PDE1C: variants seen among roughly 807,000 people sequenced by gnomAD.
PDE1C encodes the protein dual specificity calcium/calmodulin-dependent 3',5'-cyclic nucleotide phosphodiesterase 1C.
A neutral mutation model predicts 93.1 loss-of-function variants in PDE1C; 62 were observed. That is an observed-to-expected ratio of 0.67 (90% CI 0.54 to 0.82). The LOEUF is 0.82. Ranked by LOEUF, PDE1C falls within the 40% of genes least tolerant of loss-of-function variation. The pLI is 0.00. For synonymous variants in PDE1C, 325 were observed against 310.1 expected (o/e 1.05, Z -0.50); for missense variants, 742 against 884.6 (o/e 0.84, Z 2.04).
Position 32,378,006 on chromosome 7 carries a change from G to A in PDE1C, c.310+49816C>T, listed in dbSNP as rs1430622641. Among the ~76,000 whole-genome samples the A allele has an allele frequency of 2.6e-5, 4 of 152,220 alleles. No individual in the cohort carries two copies. In the East Asian group the frequency reaches 7.7e-4, roughly 29 times the overall value. Reference sequence around the variant, plus strand: ...ACAAGGAGAGACTATTTCTGGAAGGGAGGAGGAGCAGCATTTAACCATTTA... The same window carrying A: ...ACAAGGAGAGACTATTTCTGGAAGGAAGGAGGAGCAGCATTTAACCATTTA... On this transcript the variant is annotated intron_variant, in intron 1 of 1. Transcript: ENST00000672256.
chr7:32,029,810 G>GCAGAGT, intron 2 of PDE1C, among the ~76,000 whole-genome samples: 1 of 152,112 alleles, frequency 6.6e-6, no homozygotes, highest in African/African-American at 2.4e-5. Flanking sequence ...GAGATAGAAA[G>GCAGAGT]CAGAGTTTAG....
At chr7:31,637,788 G>A in the PDE1C span, among the ~76,000 whole-genome samples, 1 of 152,184 alleles carries the variant, frequency 6.6e-6, no homozygotes, top group Non-Finnish European at 1.5e-5. Flanking sequence ...TGCTTTTAGT[G>A]TTTTAGACAT....
chr7:31,956,729 T>C (rs867313765), intron 2 of PDE1C, among the ~76,000 whole-genome samples: 99 of 151,912 alleles, frequency 6.5e-4, no homozygotes, highest in African/African-American at 2.2e-3. Context: ...CTCACTTGTT[T>C]TCCAAAAATA....
intron 16 of PDE1C, among the ~76,000 whole-genome samples, chr7:31,803,985 A>T (rs1370588882): frequency 3.3e-5 from 5 of 151,900 alleles, no homozygotes; most frequent in African/African-American, 1.2e-4. Context: ...TGACTTCCAC[A>T]ATGGTTGAGC....
chr7:31,653,578 A>G, the PDE1C span: 1 of 152,132 alleles, frequency 6.6e-6, no homozygotes, highest in Non-Finnish European at 1.5e-5. Context: ...TAGGGACCAC[A>G]AGGAATTTCC....
At chr7:32,231,199 C>T (rs1455397195) in intron 1 of PDE1C, among the ~76,000 whole-genome samples, 1 of 152,022 alleles carries the variant, frequency 6.6e-6, no homozygotes, top group East Asian at 1.9e-4. Context: ...AAAATCACAC[C>T]CAATCCAAAA....
intron 6 of PDE1C, among the ~76,000 whole-genome samples, chr7:31,869,832 A>G (rs1195521726): frequency 6.6e-6 from 1 of 152,080 alleles, no homozygotes; most frequent in East Asian, 1.9e-4. Flanking sequence ...CACCAACACA[A>G]AGAACATTTT....
the PDE1C span, among the ~76,000 whole-genome samples, chr7:31,667,716 G>C: frequency 6.6e-6 from 1 of 152,010 alleles, no homozygotes; most frequent in Non-Finnish European, 1.5e-5. Context: ...GATGGTAGGG[G>C]TCATATTGTA....
chr7:31,989,031 AAGAG>A lies in PDE1C; in HGVS notation c.128+62519_128+62522del, dbSNP rs200115399. 2.1e-3 allele frequency among the ~76,000 whole-genome samples: 315 copies of A among 147,390 alleles called. 12 individuals carry two copies. In the East Asian group the frequency reaches 0.046, roughly 21 times the overall value. ...AAAAAAAAAAAAAGAGAGAGAGAGAAAGAGAGAAAGGAAAGAAAGAGAAAAAATA... is the reference window on the plus strand; with the variant it reads ...AAAAAAAAAAAAAGAGAGAGAGAGAAAGAAAGGAAAGAAAGAGAAAAAATA... On this transcript the variant is annotated intron_variant, in intron 2 of 17. Transcript: ENST00000396191.
intron 1 of PDE1C, among the ~76,000 whole-genome samples, chr7:32,393,498 T>C (rs1009263501): frequency 3.9e-5 from 6 of 152,190 alleles, no homozygotes; most frequent in African/African-American, 1.4e-4. Context: ...ATTATTTTTA[T>C]ATTTAAGTTA....
At chr7:32,425,896 G>C (rs557145763) in intron 1 of PDE1C, among the ~76,000 whole-genome samples, 1 of 151,948 alleles carries the variant, frequency 6.6e-6, no homozygotes, top group Non-Finnish European at 1.5e-5. Flanking sequence ...AGCTGTGCTC[G>C]CACCACTGCA....
intron 1 of PDE1C, among the ~76,000 whole-genome samples, chr7:32,408,296 T>C (rs1334257596): frequency 6.6e-6 from 1 of 152,148 alleles, no homozygotes; most frequent in African/African-American, 2.4e-5. Flanking sequence ...AGGGGAATGA[T>C]GGAATCAGGA....
At chr7:32,253,672 T>A (rs1809558233) in intron 1 of PDE1C, among the ~76,000 whole-genome samples, 2 of 152,230 alleles carry the variant, frequency 1.3e-5, no homozygotes, top group Non-Finnish European at 2.9e-5. Flanking sequence ...TTCTGTGGCA[T>A]AAGCAATGTG....
At chr7:32,425,809 C>T (rs1198539503) in intron 1 of PDE1C, among the ~76,000 whole-genome samples, 1 of 152,018 alleles carries the variant, frequency 6.6e-6, no homozygotes, top group East Asian at 1.9e-4. Flanking sequence ...GGCATGGTGG[C>T]ATGTACCTGT....
chr7:32,206,856 A>G (rs1228327219), intron 2 of PDE1C, among the ~76,000 whole-genome samples: 2 of 152,166 alleles, frequency 1.3e-5, no homozygotes, highest in African/African-American at 2.4e-5. Flanking sequence ...CACACAGCGC[A>G]CTCAAGTCAA....
At chr7:31,679,948 G>A in the PDE1C span, among the ~76,000 whole-genome samples, 4 of 152,190 alleles carry the variant, frequency 2.6e-5, no homozygotes, top group South Asian at 2.1e-4. Flanking sequence ...GAAAGCAAGC[G>A]AGGGAAGAGG....
intron 2 of PDE1C, among the ~76,000 whole-genome samples, chr7:31,927,206 C>T (rs4515453): frequency 0.36 from 54,182 of 152,014 alleles, 10,827 homozygotes; most frequent in Non-Finnish European, 0.44. Flanking sequence ...TGGAACTCAC[C>T]GCAGTGTGGC....
Position 31,795,168 on chromosome 7 carries a change from G to T in PDE1C, c.1891+13863C>A, listed in dbSNP as rs145470130. ...TTAATAGCTTTTTTAGCATGTGAGCGTCTAGAAAAGAAATGGCATTACCAA... is the reference window on the plus strand; with the variant it reads ...TTAATAGCTTTTTTAGCATGTGAGCTTCTAGAAAAGAAATGGCATTACCAA... On this transcript the variant is annotated intron_variant, in intron 16 of 17. Coordinates refer to ENST00000396191, the MANE Select transcript of PDE1C (RefSeq NM_001191057.4). 3.7e-3 allele frequency among the ~76,000 whole-genome samples: 562 copies of T among 151,966 alleles called. 4 individuals are homozygous for T. Among genetic ancestry groups the T allele is most frequent in the African/African-American group, 0.013 (528 of 41,522 alleles).
At chr7:31,754,545 T>C (rs1794330996) in intron 17 of PDE1C, among the ~76,000 whole-genome samples, 1 of 152,232 alleles carries the variant, frequency 6.6e-6, no homozygotes, top group Admixed American at 6.5e-5. Context: ...AATGGAATAT[T>C]ATTCATTGTG....
Sources: gnomAD v4.1 joint callset for allele counts (sites outside exome capture counted in the v4.1 genomes callset) on GRCh38, gnomAD v4.1.1 for gene constraint, MANE v1.5 for transcripts, NCBI Gene and HGNC (gene_info 2026-07-23, HGNC 2026-07-21) for gene names.